GRM8: variants seen among roughly 807,000 people sequenced by gnomAD.
GRM8 encodes the protein glutamate metabotropic receptor 8, also known as metabotropic glutamate receptor 8.
Under a neutral mutation model 87.2 loss-of-function variants are expected in GRM8, and 47 were observed. The observed-to-expected ratio is 0.54, with a 90% CI of 0.43 to 0.69. The LOEUF (loss-of-function observed/expected upper bound fraction) is 0.69, where lower values mean the gene tolerates loss of function less well. Ranked by LOEUF, GRM8 falls within the 30% of genes least tolerant of loss-of-function variation. The pLI is 0.00. For missense variants in GRM8, 1,019 were observed against 1,139.2 expected, an observed-to-expected ratio of 0.89 and a Z score of 1.52; for synonymous variants, 396 against 404.5, an observed-to-expected ratio of 0.98 and a Z score of 0.25.
intron 9 of GRM8, among the ~76,000 whole-genome samples, chr7:126,516,604 T>G (rs987557409): frequency 6.6e-6 from 1 of 152,090 alleles, no homozygotes; most frequent in Non-Finnish European, 1.5e-5. Flanking sequence ...ATGCTTCCAG[T>G]AGGATAGCAG....
At chr7:126,795,239 G>T (rs1327997599) in intron 6 of GRM8, among the ~76,000 whole-genome samples, 1 of 152,058 alleles carries the variant, frequency 6.6e-6, no homozygotes, top group Non-Finnish European at 1.5e-5. Context: ...CGAAAGATAT[G>T]ACTATACACA....
At chr7:126,692,374 G>A (rs1049796371) in intron 7 of GRM8, among the ~76,000 whole-genome samples, 2 of 152,202 alleles carry the variant, frequency 1.3e-5, no homozygotes, top group African/African-American at 2.4e-5. Flanking sequence ...GAATGATGAG[G>A]AAATGCCTGA....
At chr7:126,585,728 T>C (rs1796049023) in intron 8 of GRM8, among the ~76,000 whole-genome samples, 1 of 152,192 alleles carries the variant, frequency 6.6e-6, no homozygotes, top group South Asian at 2.1e-4. Context: ...AATATCATAC[T>C]GAATGGGCAA....
At chr7:126,538,057 G>A (rs974914499) in intron 8 of GRM8, among the ~76,000 whole-genome samples, 4 of 152,058 alleles carry the variant, frequency 2.6e-5, no homozygotes, top group Non-Finnish European at 4.4e-5. Context: ...AGATCTTCCA[G>A]GGACAAAAAA....
intron 3 of GRM8, among the ~76,000 whole-genome samples, chr7:127,091,818 C>T (rs1424019502): frequency 8.8e-6 from 1 of 113,526 alleles, no homozygotes; most frequent in African/African-American, 3.5e-5. Context: ...CACTGGTCAT[C>T]CCGCCGTCTG....
chr7:126,941,880 A>G (rs1315729600), intron 3 of GRM8, among the ~76,000 whole-genome samples: 1 of 152,226 alleles, frequency 6.6e-6, no homozygotes, highest in Non-Finnish European at 1.5e-5. Context: ...CAGGTGGGCC[A>G]TAAATATTTT....
At chr7:126,562,739 T>C (rs1793841432) in intron 8 of GRM8, among the ~76,000 whole-genome samples, 1 of 151,812 alleles carries the variant, frequency 6.6e-6, no homozygotes, top group Non-Finnish European at 1.5e-5. Context: ...TACTGAAACA[T>C]ACAAAAAAGT....
chr7:127,067,649 A>T (rs17862281), intron 3 of GRM8, among the ~76,000 whole-genome samples: 38,937 of 152,144 alleles, frequency 0.26, 5,871 homozygotes, highest in Non-Finnish European at 0.35. Context: ...TTATGCTTAA[A>T]TGTCTCCCCT....
chr7:126,565,280 G>A (rs192284709), intron 8 of GRM8, among the ~76,000 whole-genome samples: 3 of 152,218 alleles, frequency 2.0e-5, no homozygotes, highest in Admixed American at 6.5e-5. Flanking sequence ...ATCATTTTAT[G>A]TATAGAAAAC....
intron 6 of GRM8, among the ~76,000 whole-genome samples, chr7:126,891,903 A>G (rs1288311333): frequency 6.6e-6 from 1 of 151,636 alleles, no homozygotes; most frequent in Non-Finnish European, 1.5e-5. Flanking sequence ...TAATTCTTTC[A>G]TTTAATCCAC....
intron 2 of GRM8, among the ~76,000 whole-genome samples, chr7:127,238,508 A>C (rs1798112103): frequency 6.6e-6 from 1 of 152,188 alleles, no homozygotes; most frequent in South Asian, 2.1e-4. Flanking sequence ...GGATCCTGCC[A>C]TTCGAAAAGC....
chr7:126,747,900 C>T (rs1815886185), intron 7 of GRM8, among the ~76,000 whole-genome samples: 1 of 151,892 alleles, frequency 6.6e-6, no homozygotes, highest in Non-Finnish European at 1.5e-5. Context: ...TTTGTATTCA[C>T]TTTGCATATA....
chr7:126,570,968 C>A (rs1296886292), intron 8 of GRM8, among the ~76,000 whole-genome samples: 1 of 152,124 alleles, frequency 6.6e-6, no homozygotes, highest in African/African-American at 2.4e-5. Flanking sequence ...TTTTCTAAAT[C>A]TAATTGTCTG....
intron 2 of GRM8, among the ~76,000 whole-genome samples, chr7:127,236,002 T>A (rs1480383686): frequency 6.6e-6 from 1 of 151,962 alleles, no homozygotes; most frequent in East Asian, 1.9e-4. Context: ...AAAATGAGAA[T>A]GTGTTCATAT....
At chr7:126,507,491 A>C (rs1382657784) in intron 9 of GRM8, among the ~76,000 whole-genome samples, 2 of 152,114 alleles carry the variant, frequency 1.3e-5, no homozygotes, top group African/African-American at 2.4e-5. Flanking sequence ...ACAATCAATT[A>C]GAGTTTGTTA....
chr7:126,536,251 AC>A (rs968866745), intron 8 of GRM8, among the ~76,000 whole-genome samples: 1 of 152,204 alleles, frequency 6.6e-6, no homozygotes, highest in African/African-American at 2.4e-5. Flanking sequence ...TTACTCTTTG[AC>A]AATCAGGTGA....
At chr7:126,527,588 A>C (rs768850372) in intron 9 of GRM8, among the ~76,000 whole-genome samples, 1 of 152,202 alleles carries the variant, frequency 6.6e-6, no homozygotes, top group Non-Finnish European at 1.5e-5. Context: ...GGTTATTGAC[A>C]CTATTTCCGC....
chr7:127,164,336 T>C (rs1793305323), intron 2 of GRM8, among the ~76,000 whole-genome samples: 1 of 152,124 alleles, frequency 6.6e-6, no homozygotes, highest in South Asian at 2.1e-4. Context: ...AGGTATCTCT[T>C]TATAGCAGTG....
intron 6 of GRM8, among the ~76,000 whole-genome samples, chr7:126,873,584 T>C (rs779108469): frequency 2.6e-5 from 4 of 152,022 alleles, no homozygotes; most frequent in African/African-American, 7.2e-5. Flanking sequence ...CCAATCCCTA[T>C]CCTATACAAC....
Sources: allele counts gnomAD v4.1 joint callset (sites outside exome capture counted in the v4.1 genomes callset), GRCh38; gene constraint gnomAD v4.1.1; transcripts MANE v1.5; gene names NCBI Gene and HGNC (gene_info 2026-07-23, HGNC 2026-07-21).